EHD2: variants seen among roughly 807,000 people sequenced by gnomAD.
EHD2 encodes EH domain containing 2, also known as EH domain-containing protein 2.
Under a neutral mutation model 41.0 loss-of-function variants are expected in EHD2, and 27 were observed. The ratio of observed to expected loss-of-function variants is 0.66; its 90% CI spans 0.49 to 0.91. The LOEUF (loss-of-function observed/expected upper bound fraction) is 0.91, where lower values mean the gene tolerates loss of function less well. Among genes scored for constraint, EHD2 ranks in the 40% least tolerant of loss-of-function variants. The pLI, the probability that EHD2 is intolerant of heterozygous loss-of-function variation, is 0.00. For synonymous variants in EHD2, 342 were observed against 341.0 expected (o/e 1.00, Z -0.03); for missense variants, 673 against 773.9 (o/e 0.87, Z 1.55).
Position 47,741,102 on chromosome 19 carries a change from CGAG to C in EHD2, c.1307_1309del (p.Glu436del), listed in dbSNP as rs553879219. 1.3e-4 allele frequency: 211 copies of C among 1,610,212 alleles called. No individual in the cohort carries two copies. In the African/African-American group the frequency reaches 2.6e-3, roughly 20 times the overall value. ...GACCTGACGAGGCCATGGAGGACGG[CGAG>C]GAGGGCTCGGACGACGAGGCCGAGT... On this transcript the variant is annotated inframe_deletion, in exon 6 of 6. Coordinates refer to ENST00000263277, the MANE Select transcript of EHD2 (RefSeq NM_014601.4). This position sits in a 1 kb window ranked among gnomAD's most constrained non-coding sequence, Gnocchi z 4.5.
intron 4 of EHD2, among the ~76,000 whole-genome samples, chr19:47,735,543 A>G (rs1191213468): frequency 1.3e-5 from 2 of 151,996 alleles, no homozygotes; most frequent in East Asian, 3.9e-4. Context: ...GGCTGCAGTA[A>G]GTTATGATCG....
chr19:47,742,193 A>G lies in EHD2; in HGVS notation c.*761A>G. The stretch of plus-strand genomic sequence containing the variant: ...TTTGTTTTTGCCCCCAATTCTGCCC[A>G]TACCCATTTCTTTCTTTCCTTCCTT... On this transcript the variant is annotated 3_prime_UTR_variant, in exon 6 of 6. Transcript: ENST00000263277. 1 of 324,774 alleles carries G rather than the reference A, an allele frequency of 3.1e-6. No individual in the cohort carries two copies. Among genetic ancestry groups the G allele is most frequent in the South Asian group, 2.4e-5 (1 of 42,204 alleles). 20.1% of individuals were successfully genotyped at this position (324,774 alleles called of 1,614,324 possible). A position where few individuals can be genotyped will look rare whatever the true frequency, so the allele number is the denominator to read the frequency against.
rs376004358 is a variant in EHD2, at chr19:47,714,548, C to G, written c.-56+1010C>G. Reference sequence around the variant, plus strand: ...AGTAAGGGAAGATAGAGAACACAGTCTGGGTGCTGGAGGTGCTCATTGCTC... The same window carrying G: ...AGTAAGGGAAGATAGAGAACACAGTGTGGGTGCTGGAGGTGCTCATTGCTC... On this transcript the variant is annotated intron_variant, in intron 1 of 5. Coordinates refer to ENST00000263277, the MANE Select transcript of EHD2 (RefSeq NM_014601.4). Among the ~76,000 whole-genome samples, 15 of 152,288 alleles carry G rather than the reference C, an allele frequency of 9.8e-5. No homozygotes were observed. The East Asian group carries it at 2.5e-3, about 25-fold the overall frequency.
Position 47,742,119 on chromosome 19 carries a change from AT to A in EHD2, c.*690del, listed in dbSNP as rs1907753199. On this transcript the variant is annotated 3_prime_UTR_variant, in exon 6 of 6. Coordinates refer to ENST00000263277, the MANE Select transcript of EHD2 (RefSeq NM_014601.4). ...AAAGCCCCCAATTCTGCCCACACCCATTTATTTCCTTCCTTCCTTCCTTCTT... is the reference window on the plus strand; with the variant it reads ...AAAGCCCCCAATTCTGCCCACACCCATTATTTCCTTCCTTCCTTCCTTCTT... 3.1e-6 allele frequency: 1 copy of A among 327,548 alleles called. No homozygotes were observed. The highest frequency in any genetic ancestry group is 2.4e-5 in the African/African-American group (1 of 41,522). 20.3% of individuals were successfully genotyped at this position (327,548 alleles called of 1,614,324 possible). A position where few individuals can be genotyped will look rare whatever the true frequency, so the allele number is the denominator to read the frequency against.
chr19:47,716,975 C>G lies in EHD2; in HGVS notation c.363C>G (p.Pro121=), dbSNP rs1321778961. Residue 121 remains proline, a synonymous_variant, in exon 2 of 6, where the codon CCC becomes CCG. Coordinates refer to ENST00000263277, the MANE Select transcript of EHD2 (RefSeq NM_014601.4). The stretch of plus-strand genomic sequence containing the variant: ...CCCTCGTCGTGGACCCGGACAAGCC[C>G]TTCCGCAAACTCAACCCTTTCGGAA... ...GNALVVDPDK[P]FRKLNPFGNT... is the part of the protein sequence containing the mutation. 7 of 1,603,618 alleles carry G rather than the reference C, an allele frequency of 4.4e-6. No individual in the cohort carries two copies. In the African/African-American group the frequency reaches 8.0e-5, roughly 18 times the overall value.
intron 3 of EHD2, among the ~76,000 whole-genome samples, chr19:47,722,527 C>A (rs1395523261): frequency 6.6e-6 from 1 of 152,018 alleles, no homozygotes; most frequent in Non-Finnish European, 1.5e-5. Flanking sequence ...CTTCTGTCGC[C>A]TCTTACCTGT....
At chr19:47,726,915 T>C (rs527601316) in intron 4 of EHD2, among the ~76,000 whole-genome samples, 13 of 152,254 alleles carry the variant, frequency 8.5e-5, no homozygotes, top group African/African-American at 3.1e-4. Context: ...TGCCCTCAAG[T>C]GATCCTCCCC....
intron 3 of EHD2, among the ~76,000 whole-genome samples, chr19:47,722,502 G>A (rs1973707582): frequency 6.6e-6 from 1 of 152,008 alleles, no homozygotes; most frequent in Non-Finnish European, 1.5e-5. Context: ...GAGCATAGGG[G>A]CCCATGGGAC....
intron 4 of EHD2, among the ~76,000 whole-genome samples, chr19:47,733,400 G>A (rs1486875714): frequency 6.6e-6 from 1 of 151,836 alleles, no homozygotes; most frequent in South Asian, 2.1e-4. Context: ...TAGGCCAGGC[G>A]CGGTGGTTCA....
intron 4 of EHD2, among the ~76,000 whole-genome samples, chr19:47,734,544 G>A (rs1966901855): frequency 6.6e-6 from 1 of 151,874 alleles, no homozygotes; most frequent in South Asian, 2.1e-4. Context: ...TTGAGGTCAG[G>A]AGTTTGAGAC....
rs767216948 is a variant in EHD2, at chr19:47,725,940, G to A, written c.631G>A (p.Glu211Lys). 4 of 1,613,876 alleles carry A rather than the reference G, an allele frequency of 2.5e-6. No homozygotes were observed. Among genetic ancestry groups the A allele is most frequent in the African/African-American group, 1.3e-5 (1 of 74,954 alleles). Reference protein sequence around the residue: ...SEAIGALRGHEDKIRVVLNKA... With the variant: ...SEAIGALRGHKDKIRVVLNKA... ...GGCCATCGGCGCGTTGCGGGGCCAT[G>A]AGGACAAGATCCGCGTGGTGCTCAA... Residue 211 changes from glutamate to lysine, a missense_variant, in exon 4 of 6, where the codon GAG (glutamate) becomes AAG (lysine). Physicochemically the swap from Glu to Lys is moderately conservative, Grantham distance 56. Coordinates refer to ENST00000263277, the MANE Select transcript of EHD2 (RefSeq NM_014601.4).
At chr19:47,740,403 C>T (rs1404573212) in intron 5 of EHD2, among the ~76,000 whole-genome samples, 1 of 151,514 alleles carries the variant, frequency 6.6e-6, no homozygotes, top group African/African-American at 2.4e-5. Flanking sequence ...GGCACCACTG[C>T]ACTCTAGCCT....
At chr19:47,737,284 C>T (rs1966934921) in intron 5 of EHD2, among the ~76,000 whole-genome samples, 1 of 150,534 alleles carries the variant, frequency 6.6e-6, no homozygotes, top group African/African-American at 2.4e-5. Flanking sequence ...AAAGAGTAGT[C>T]TCTTTAAGAA....
intron 4 of EHD2, among the ~76,000 whole-genome samples, chr19:47,735,729 C>A (rs1190859396): frequency 6.6e-6 from 1 of 151,670 alleles, no homozygotes; most frequent in Non-Finnish European, 1.5e-5. Flanking sequence ...ATGGAGAAAC[C>A]CCGTTTCTAT....
rs1973746638 is a variant in EHD2 at position 47,725,953 on chromosome 19, G to A, written c.644G>A (p.Arg215His). ...GALRGHEDKI[R>H]VVLNKADMVE... The stretch of plus-strand genomic sequence containing the variant: ...TTGCGGGGCCATGAGGACAAGATCC[G>A]CGTGGTGCTCAACAAGGCCGACATG... Residue 215 changes from arginine (R) to histidine (H), a missense_variant, in exon 4 of 6, where the codon CGC becomes CAC. By Grantham distance (29) the Arg-to-His change is conservative (BLOSUM62 0). Coordinates refer to ENST00000263277, the MANE Select transcript of EHD2 (RefSeq NM_014601.4). The A allele has an allele frequency of 1.2e-6, 2 of 1,613,526 alleles. No homozygotes were observed. Among genetic ancestry groups the A allele is most frequent in the Admixed American group, 1.7e-5 (1 of 59,982 alleles).
rs1973748639 is a variant in EHD2 at position 47,726,078 on chromosome 19, T to C, written c.769T>C (p.Phe257Leu). The change falls in exon 4 of 6, where the codon TTC becomes CTC. Residue 257 changes from phenylalanine (F) to leucine (L), a missense_variant. Coordinates refer to ENST00000263277, the MANE Select transcript of EHD2 (RefSeq NM_014601.4). ...PEVLRVYIGS[F>L]WSQPLLVPDN... is the part of the protein sequence containing the mutation. ...GGTGCTGCGCGTCTACATCGGCTCCTTCTGGTCCCAGCCCCTCCTCGTGCC... is the reference window on the plus strand; with the variant it reads ...GGTGCTGCGCGTCTACATCGGCTCCCTCTGGTCCCAGCCCCTCCTCGTGCC... 1 of 1,578,850 alleles carries C rather than the reference T, an allele frequency of 6.3e-7. No homozygotes were observed. Among genetic ancestry groups the C allele is most frequent in the Non-Finnish European group, 8.6e-7 (1 of 1,163,202 alleles).
rs143275642 is a variant in EHD2 at position 47,718,005 on chromosome 19, T to C, written c.405-504T>C. Among the ~76,000 whole-genome samples, 668 of 139,210 alleles carry C rather than the reference T, an allele frequency of 4.8e-3. 1 individual carries two copies. Among genetic ancestry groups the C allele is most frequent in the African/African-American group, 0.017 (625 of 37,542 alleles). 91.3% of individuals were successfully genotyped at this position (139,210 alleles called of 152,430 possible). On this transcript the variant is annotated intron_variant, in intron 2 of 5. Transcript: ENST00000263277. ...TAGCACCTGGTGGCCGGGCGCAGTG[T>C]CTCACGCCTGTAATCCCAGCACTTT...
intron 5 of EHD2, among the ~76,000 whole-genome samples, chr19:47,737,623 A>G (rs144478637): frequency 3.9e-5 from 6 of 152,010 alleles, no homozygotes; most frequent in South Asian, 4.1e-4. Flanking sequence ...CACCACTGCA[A>G]TCCAGCCTGT....
At chr19:47,735,470 T>G (rs950728873) in intron 4 of EHD2, among the ~76,000 whole-genome samples, 1 of 152,136 alleles carries the variant, frequency 6.6e-6, no homozygotes, top group Non-Finnish European at 1.5e-5. Flanking sequence ...CAGTGGCTCT[T>G]GCCTGTAATC....
Sources: allele counts gnomAD v4.1 joint callset (sites outside exome capture counted in the v4.1 genomes callset), GRCh38; gene constraint gnomAD v4.1.1; non-coding constraint Gnocchi (gnomAD v3.1); transcripts MANE v1.5; gene names NCBI Gene and HGNC (gene_info 2026-07-23, HGNC 2026-07-21).